The following PTPRD variants were observed in gnomAD, a reference collection of about 807,000 sequenced individuals.
PTPRD encodes the protein receptor-type tyrosine-protein phosphatase delta.
PTPRD carries 34 observed loss-of-function variants against 214.5 expected under a neutral mutation model. The ratio of observed to expected loss-of-function variants is 0.16; its 90% CI spans 0.12 to 0.21. The LOEUF is 0.21. PTPRD is among the 10% of genes least tolerant of loss of function. The pLI, the probability that PTPRD is intolerant of heterozygous loss-of-function variation, is 1.00. For missense variants in PTPRD, 2,545 were observed against 2,398.7 expected (o/e 1.06, Z -1.27); for synonymous variants, 1,128 against 845.7 (o/e 1.33, Z -5.79).
At chr9:8,514,372 T>G (rs754843237) in intron 21 of PTPRD, among the ~76,000 whole-genome samples, 1 of 152,250 alleles carries the variant, frequency 6.6e-6, no homozygotes, top group Non-Finnish European at 1.5e-5. Flanking sequence ...AATAAAAATA[T>G]GAAACACTAT....
At chr9:9,008,209 A>ATTTATTTATTTATTTATTTG in intron 11 of PTPRD, among the ~76,000 whole-genome samples, 1 of 136,584 alleles carries the variant, frequency 7.3e-6, no homozygotes, top group African/African-American at 2.7e-5. Context: ...CCTTCATTTT[A>ATTTATTTATTTATTTATTTG]TTTATTTATT....
At chr9:10,383,568 ACTTTTCTTTTTTTAATTTCAGG>A (rs1027160606) in intron 2 of PTPRD, among the ~76,000 whole-genome samples, 105 of 151,778 alleles carry the variant, frequency 6.9e-4, no homozygotes, top group African/African-American at 2.5e-3. Context: ...ATTTTAACTC[ACTTTTCTTTTTTTAATTTCAGG>A]TTGAAAATGG....
At chr9:8,797,048 A>C (rs1259458248) in intron 11 of PTPRD, 3 of 152,136 alleles carry the variant, frequency 2.0e-5, no homozygotes, top group African/African-American at 7.2e-5. Flanking sequence ...ATTTGGGATA[A>C]ACTGAAAACT....
intron 14 of PTPRD, among the ~76,000 whole-genome samples, chr9:8,610,011 G>A (rs1468399231): frequency 6.6e-6 from 1 of 152,052 alleles, no homozygotes; most frequent in African/African-American, 2.4e-5. Context: ...TAGTAAAGTG[G>A]GAGAACTAAT....
At chr9:8,822,010 C>T (rs2097077620) in intron 11 of PTPRD, among the ~76,000 whole-genome samples, 1 of 152,188 alleles carries the variant, frequency 6.6e-6, no homozygotes, top group African/African-American at 2.4e-5. Context: ...ATTCTGTGAT[C>T]ATAGACAGTT....
intron 8 of PTPRD, among the ~76,000 whole-genome samples, chr9:9,515,132 G>A (rs1262874960): frequency 1.3e-5 from 2 of 152,068 alleles, no homozygotes; most frequent in African/African-American, 4.8e-5. Context: ...CAATTAATAA[G>A]CTTGGTGGGT....
At chr9:10,184,782 G>C (rs974303316) in intron 3 of PTPRD, among the ~76,000 whole-genome samples, 18 of 152,174 alleles carry the variant, frequency 1.2e-4, no homozygotes, top group Non-Finnish European at 2.6e-4. Flanking sequence ...AGTGATAAAT[G>C]CGAGGTTTCC....
At chr9:8,706,774 C>T (rs900538558) in intron 12 of PTPRD, among the ~76,000 whole-genome samples, 1 of 152,158 alleles carries the variant, frequency 6.6e-6, no homozygotes, top group African/African-American at 2.4e-5. Context: ...TAATGCATTG[C>T]ATCTGCATAG....
chr9:10,392,668 T>C (rs2098091274), intron 2 of PTPRD, among the ~76,000 whole-genome samples: 1 of 151,818 alleles, frequency 6.6e-6, no homozygotes. Context: ...TTAATGGGAA[T>C]CCAGAGAAGA....
At chr9:9,080,773 G>C (rs2099757841) in intron 10 of PTPRD, among the ~76,000 whole-genome samples, 1 of 152,118 alleles carries the variant, frequency 6.6e-6, no homozygotes, top group Admixed American at 6.6e-5. Flanking sequence ...AGAATTTCTA[G>C]TTTATTTGCA....
At chr9:8,474,467 C>T (rs1041219180) in intron 30 of PTPRD, among the ~76,000 whole-genome samples, 1 of 152,184 alleles carries the variant, frequency 6.6e-6, no homozygotes, top group African/African-American at 2.4e-5. Context: ...CTGAAATCTA[C>T]GCTTGCCATT....
In PTPRD at chr9:9,522,447, G is replaced by C. The variant is rs186339756; in HGVS notation, c.-237+52285C>G. On this transcript the variant is annotated intron_variant, in intron 8 of 45. Coordinates refer to ENST00000381196, the MANE Select transcript of PTPRD (RefSeq NM_002839.4). ...AACCAGATAGAACGAAAACAAGTAA[G>C]TTCAGCTATAGTAAAAACTTGAAAG... Among the ~76,000 whole-genome samples the C allele has an allele frequency of 2.8e-3, 430 of 152,158 alleles. 1 individual carries two copies. The highest frequency in any genetic ancestry group is 9.4e-3 in the African/African-American group (391 of 41,536).
intron 9 of PTPRD, among the ~76,000 whole-genome samples, chr9:9,260,964 G>A (rs186263115): frequency 2.0e-4 from 30 of 151,860 alleles, no homozygotes; most frequent in East Asian, 5.9e-4. Context: ...GTATTTTCTC[G>A]CAATCCTCTT....
At chr9:8,462,432 C>A (rs772174722) in intron 32 of PTPRD, among the ~76,000 whole-genome samples, 9 of 151,992 alleles carry the variant, frequency 5.9e-5, no homozygotes, top group Admixed American at 2.0e-4. Flanking sequence ...GAGGTATCAT[C>A]CTAAACTGCA....
At chr9:10,373,888 C>A (rs550142963) in intron 2 of PTPRD, among the ~76,000 whole-genome samples, 1 of 152,124 alleles carries the variant, frequency 6.6e-6, no homozygotes, top group East Asian at 1.9e-4. Flanking sequence ...TATTTTATTC[C>A]CTATCCACTT....
intron 2 of PTPRD, among the ~76,000 whole-genome samples, chr9:10,541,810 G>A (rs1369126695): frequency 1.3e-5 from 2 of 151,882 alleles, no homozygotes; most frequent in African/African-American, 4.8e-5. Context: ...TGCAACTGAA[G>A]ACCCCTCCAA....
At chr9:8,835,096 C>G (rs1300550290) in intron 11 of PTPRD, among the ~76,000 whole-genome samples, 1 of 152,190 alleles carries the variant, frequency 6.6e-6, no homozygotes, top group South Asian at 2.1e-4. Context: ...ATGGATTCAA[C>G]TGGGCCCCAT....
intron 5 of PTPRD, among the ~76,000 whole-genome samples, chr9:9,897,481 A>T (rs916769240): frequency 6.6e-6 from 1 of 152,082 alleles, no homozygotes; most frequent in African/African-American, 2.4e-5. Flanking sequence ...TTTATTCGCA[A>T]TATAGTTAAT....
intron 7 of PTPRD, among the ~76,000 whole-genome samples, chr9:9,643,837 CT>C (rs1233907169): frequency 6.6e-6 from 1 of 152,036 alleles, no homozygotes; most frequent in Non-Finnish European, 1.5e-5. Flanking sequence ...ATAATAAATC[CT>C]AGTTTTCTAA....
Sources: allele counts gnomAD v4.1 joint callset (sites outside exome capture counted in the v4.1 genomes callset), GRCh38; gene constraint gnomAD v4.1.1; transcripts MANE v1.5; gene names NCBI Gene and HGNC (gene_info 2026-07-23, HGNC 2026-07-21).